Variants in COL4A2 observed in about 807,000 individuals in gnomAD.
The protein encoded by COL4A2 is collagen type IV alpha 2 chain.
COL4A2 carries 99 observed loss-of-function variants against 200.2 expected under a neutral mutation model. The ratio of observed to expected loss-of-function variants is 0.49; its 90% CI spans 0.42 to 0.58. The LOEUF (loss-of-function observed/expected upper bound fraction) is 0.58. Among genes scored for constraint, COL4A2 ranks in the 20% least tolerant of loss-of-function variants. COL4A2 has a pLI of 0.00. For synonymous variants in COL4A2, 897 were observed against 900.6 expected, an observed-to-expected ratio of 1.00 and a Z score of 0.07; for missense variants, 1,950 against 2,314.1, an observed-to-expected ratio of 0.84 and a Z score of 3.23.
chr13:110,478,169 G>A lies in COL4A2; in HGVS notation c.2587+5G>A. 6.3e-7 allele frequency: 1 copy of A among 1,581,692 alleles called. No homozygotes were observed. The highest frequency in any genetic ancestry group is 8.6e-7 in the Non-Finnish European group (1 of 1,163,332). ...CAGGAATCCCAGGCCGTGAAGGTAA[G>A]ACCCCAGCCCTCCCATAAACGAGTG... On this transcript the variant is annotated splice_donor_5th_base_variant and intron_variant, in intron 30 of 47. Coordinates refer to ENST00000360467, the MANE Select transcript of COL4A2 (RefSeq NM_001846.4).
Position 110,309,466 on chromosome 13 carries a change from A to G in COL4A2, c.99+1343A>G, listed in dbSNP as rs112594395. 3.8e-3 allele frequency among the ~76,000 whole-genome samples: 583 copies of G among 152,342 alleles called. 4 individuals carry two copies. Among genetic ancestry groups the G allele is most frequent in the African/African-American group, 0.013 (553 of 41,582 alleles). Reference sequence around the variant, plus strand: ...GGCTCAGATTTATGAACCAGAAGCAATGCATGCACGCGCACGCACGCACAC... The same window carrying G: ...GGCTCAGATTTATGAACCAGAAGCAGTGCATGCACGCGCACGCACGCACAC... On this transcript the variant is annotated intron_variant, in intron 3 of 47. Coordinates refer to ENST00000360467, the MANE Select transcript of COL4A2 (RefSeq NM_001846.4).
At chr13:110,427,331 G>T (rs939411132) in intron 6 of COL4A2, among the ~76,000 whole-genome samples, 1 of 152,062 alleles carries the variant, frequency 6.6e-6, no homozygotes, top group Non-Finnish European at 1.5e-5. Context: ...TGTATTTTTA[G>T]TAGAGACAGG....
intron 27 of COL4A2, among the ~76,000 whole-genome samples, chr13:110,467,573 C>A (rs530659344): frequency 3.7e-4 from 57 of 152,374 alleles, no homozygotes; most frequent in African/African-American, 1.3e-3. Flanking sequence ...TCTGCTGGCC[C>A]AGGCCATCTC....
chr13:110,419,757 AGC>A (rs1880178657), intron 4 of COL4A2, among the ~76,000 whole-genome samples: 1 of 152,240 alleles, frequency 6.6e-6, no homozygotes, highest in African/African-American at 2.4e-5. Context: ...AACAATGGGC[AGC>A]CCCCGCGCCC....
Position 110,472,957 on chromosome 13 carries a change from T to C in COL4A2, c.2232T>C (p.Gly744=), listed in dbSNP as rs564569125. ...TCATAGGACCCCGAGGATCCAAAGG[T>C]GCAGTGGGCCTCCCTGGCCCAGATG... is the stretch of plus-strand genomic sequence containing the variant. The part of the protein sequence containing the change: ...PGFIGPRGSK[G]AVGLPGPDGS... Residue 744 remains glycine, a synonymous_variant, in exon 29 of 48, where the codon GGT becomes GGC. Coordinates refer to ENST00000360467, the MANE Select transcript of COL4A2 (RefSeq NM_001846.4). 1.9e-6 allele frequency: 3 copies of C among 1,556,688 alleles called. No homozygotes were observed. In the South Asian group the frequency reaches 3.6e-5, roughly 18 times the overall value.
intron 29 of COL4A2, among the ~76,000 whole-genome samples, chr13:110,474,664 GA>G (rs1882610541): frequency 7.1e-6 from 1 of 141,186 alleles, no homozygotes; most frequent in Non-Finnish European, 1.6e-5. Flanking sequence ...GCTCACACAT[GA>G]TCACACTCCT....
At chr13:110,491,189 G>A (rs1381618053) in intron 36 of COL4A2, 44 bp from the exon 37 acceptor site, 16 of 1,401,162 alleles carry the variant, frequency 1.1e-5, no homozygotes, top group Non-Finnish European at 1.6e-5. Flanking sequence ...AACCCACAGG[G>A]GCGCGGTGTC....
chr13:110,339,043 C>T (rs192205688), intron 3 of COL4A2, among the ~76,000 whole-genome samples: 42 of 152,296 alleles, frequency 2.8e-4, no homozygotes, highest in African/African-American at 9.1e-4. Context: ...GTGCCTTCCA[C>T]GGACCTTCCC....
rs570728218 is a variant in COL4A2 at position 110,493,534 on chromosome 13, C to T, written c.3634+252C>T. Among the ~76,000 whole-genome samples, 112 of 152,196 alleles carry T rather than the reference C, an allele frequency of 7.4e-4. 1 individual carries two copies. Among genetic ancestry groups the T allele is most frequent in the Non-Finnish European group, 1.5e-3 (99 of 68,008 alleles). Reference sequence around the variant, plus strand: ...TGAATGGACTCATCAGGCTTTTAGACGGAGAGAGAAATAGAGTCCTTGCTT... The same window carrying T: ...TGAATGGACTCATCAGGCTTTTAGATGGAGAGAGAAATAGAGTCCTTGCTT... On this transcript the variant is annotated intron_variant, in intron 39 of 47. Coordinates refer to ENST00000360467, the MANE Select transcript of COL4A2 (RefSeq NM_001846.4).
rs1883740146 is a variant in COL4A2 at position 110,503,850 on chromosome 13, C to T, written c.4142C>T (p.Ala1381Val). ...GPKGDPGFPG[A>V]PGTVGAPGIA... Reference sequence around the variant, plus strand: ...GGCCTCTCTGTTTCCCTTCCAGGTGCCCCCGGGACTGTGGGAGCCCCCGGG... The same window carrying T: ...GGCCTCTCTGTTTCCCTTCCAGGTGTCCCCGGGACTGTGGGAGCCCCCGGG... The change falls in exon 44 of 48, where the codon GCC (alanine) becomes GTC (valine). Residue 1381 changes from alanine to valine, a missense_variant. Physicochemically the swap from Ala to Val is moderately conservative, Grantham distance 64. Around this residue, in one of 2 missense-constraint regions of COL4A2, gnomAD observed 1,385 missense variants for 1,720.5 expected, o/e 0.80. Transcript: ENST00000360467. The T allele has an allele frequency of 2.5e-6, 4 of 1,613,242 alleles. No individual in the cohort carries two copies. Among genetic ancestry groups the T allele is most frequent in the African/African-American group, 1.3e-5 (1 of 74,892 alleles).
In COL4A2 at chr13:110,366,618, T is replaced by C. The variant is rs145407000; in HGVS notation, c.180+9066T>C. Among the ~76,000 whole-genome samples, 309 of 152,210 alleles carry C rather than the reference T, an allele frequency of 2.0e-3. 1 individual carries two copies. Among genetic ancestry groups the C allele is most frequent in the Middle Eastern group, 6.8e-3 (2 of 294 alleles). On this transcript the variant is annotated intron_variant, in intron 4 of 47. Transcript: ENST00000360467. The stretch of plus-strand genomic sequence containing the variant: ...TTTTCCTCCCTGAGGGGCCTTTGAA[T>C]TTGCCACCTAAATGCTGCATGCAGT...
chr13:110,467,653 T>A (rs1882297975), intron 27 of COL4A2, among the ~76,000 whole-genome samples: 1 of 152,182 alleles, frequency 6.6e-6, no homozygotes, highest in African/African-American at 2.4e-5. Context: ...GCGTGTCCAG[T>A]GTTGGCGGTG....
At chr13:110,429,555 A>G (rs1276483828) in intron 7 of COL4A2, among the ~76,000 whole-genome samples, 2 of 152,246 alleles carry the variant, frequency 1.3e-5, no homozygotes, top group Admixed American at 6.5e-5. Context: ...CAAAGAAAGC[A>G]CGTAATAGTA....
intron 28 of COL4A2, among the ~76,000 whole-genome samples, chr13:110,470,993 G>A (rs1463533772): frequency 6.6e-6 from 1 of 152,116 alleles, no homozygotes; most frequent in East Asian, 1.9e-4. Flanking sequence ...ATGAAGCAAA[G>A]GAAGTCTCCA....
At chr13:110,317,293 C>T (rs747319471) in intron 3 of COL4A2, among the ~76,000 whole-genome samples, 3 of 151,714 alleles carry the variant, frequency 2.0e-5, no homozygotes, top group East Asian at 1.9e-4. Context: ...CACACACACA[C>T]GCACATACAC....
intron 27 of COL4A2, among the ~76,000 whole-genome samples, chr13:110,467,815 A>G (rs1287721582): frequency 6.6e-6 from 1 of 152,234 alleles, no homozygotes; most frequent in South Asian, 2.1e-4. Flanking sequence ...AGGTGGCTCT[A>G]TGCCTGTGTC....
At chr13:110,334,580 C>G (rs1403358780) in intron 3 of COL4A2, among the ~76,000 whole-genome samples, 2 of 152,196 alleles carry the variant, frequency 1.3e-5, no homozygotes, top group Non-Finnish European at 2.9e-5. Flanking sequence ...TCATGGCACA[C>G]TCATTCAAGA....
chr13:110,434,967 C>T (rs1297671477), intron 12 of COL4A2, among the ~76,000 whole-genome samples: 6 of 152,238 alleles, frequency 3.9e-5, no homozygotes, highest in South Asian at 4.1e-4. Context: ...ACAGGCTTAA[C>T]GCAGCGCCAC....
chr13:110,387,643 A>G (rs956832190), intron 4 of COL4A2, among the ~76,000 whole-genome samples: 1 of 152,238 alleles, frequency 6.6e-6, no homozygotes, highest in African/African-American at 2.4e-5. Flanking sequence ...TTCTAAGAAT[A>G]GGTGGCTTCC....
Sources: gnomAD v4.1 joint callset for allele counts (sites outside exome capture counted in the v4.1 genomes callset) on GRCh38, gnomAD v4.1.1 for gene constraint, gnomAD v4.1.1 regional missense constraint, MANE v1.5 for transcripts, NCBI Gene and HGNC (gene_info 2026-07-23, HGNC 2026-07-21) for gene names.